The following MECOM variants were observed in gnomAD, a reference collection of about 807,000 sequenced individuals.
MECOM encodes MDS1 and EVI1 complex locus.
Under a neutral mutation model 116.3 loss-of-function variants are expected in MECOM, and 13 were observed. That is an observed-to-expected ratio of 0.11 (90% CI 0.07 to 0.18). The LOEUF (loss-of-function observed/expected upper bound fraction) is 0.18. Ranked by LOEUF, MECOM falls within the 10% of genes least tolerant of loss-of-function variation. The probability of loss-of-function intolerance (pLI) is 1.00; values close to 1 mark genes in which losing one functional copy is unlikely to be tolerated. For synonymous variants in MECOM, 528 were observed against 535.2 expected (o/e 0.99, Z 0.19); for missense variants, 1,299 against 1,509.0 (o/e 0.86, Z 2.31).
intron 1 of MECOM, among the ~76,000 whole-genome samples, chr3:169,395,981 G>A (rs1326779614): frequency 6.6e-6 from 1 of 152,118 alleles, no homozygotes; most frequent in East Asian, 1.9e-4. Flanking sequence ...ACAGAAATGA[G>A]CCTTAAGGAG....
At chr3:169,403,013 GAGAGAAAAAA>G (rs1456797405) in intron 1 of MECOM, among the ~76,000 whole-genome samples, 1 of 152,110 alleles carries the variant, frequency 6.6e-6, no homozygotes, top group East Asian at 1.9e-4. Context: ...TGAGAACTTT[GAGAGAAAAAA>G]AGTGGCTTAA....
intron 2 of MECOM, among the ~76,000 whole-genome samples, chr3:169,368,924 T>C (rs1449231468): frequency 6.6e-6 from 1 of 152,054 alleles, no homozygotes; most frequent in Non-Finnish European, 1.5e-5. Flanking sequence ...ACAATTTATA[T>C]GAGGTTTCCT....
intron 2 of MECOM, among the ~76,000 whole-genome samples, chr3:169,338,409 C>G (rs1243228078): frequency 2.6e-5 from 4 of 152,106 alleles, no homozygotes; most frequent in African/African-American, 9.7e-5. Flanking sequence ...CTCTGGAGAG[C>G]TGGGGCTGTG....
At chr3:169,361,177 G>A (rs1430780030) in intron 2 of MECOM, among the ~76,000 whole-genome samples, 2 of 151,888 alleles carry the variant, frequency 1.3e-5, no homozygotes, top group Admixed American at 6.6e-5. Flanking sequence ...CTGCTCCACC[G>A]CACTACAAGA....
intron 2 of MECOM, among the ~76,000 whole-genome samples, chr3:169,150,193 A>T (rs1263434568): frequency 1.3e-5 from 2 of 152,228 alleles, no homozygotes; most frequent in African/African-American, 4.8e-5. Flanking sequence ...CTATTTAAAT[A>T]AGAATTATTT....
chr3:169,148,539 C>T (rs1426033912), intron 2 of MECOM, among the ~76,000 whole-genome samples: 1 of 152,040 alleles, frequency 6.6e-6, no homozygotes, highest in African/African-American at 2.4e-5. Flanking sequence ...CACAAAACTC[C>T]ATTCATAAAA....
chr3:169,293,673 CATT>C (rs1341960888), intron 2 of MECOM, among the ~76,000 whole-genome samples: 1 of 152,174 alleles, frequency 6.6e-6, no homozygotes, highest in Non-Finnish European at 1.5e-5. Flanking sequence ...TATTACCAAA[CATT>C]ATATAGTTAT....
intron 1 of MECOM, chr3:169,484,021 A>C (rs1473699445): frequency 3.2e-6 from 5 of 1,546,340 alleles, no homozygotes; most frequent in African/African-American, 1.4e-5. Flanking sequence ...TTTTGCCCCC[A>C]AAACCATTGT....
intron 2 of MECOM, among the ~76,000 whole-genome samples, chr3:169,316,737 G>T (rs1719811334): frequency 6.6e-6 from 1 of 152,096 alleles, no homozygotes; most frequent in Non-Finnish European, 1.5e-5. Flanking sequence ...ATTTTTTGTG[G>T]AGACAGAGCT....
intron 1 of MECOM, among the ~76,000 whole-genome samples, chr3:169,523,005 C>T (rs900471203): frequency 2.0e-5 from 3 of 152,052 alleles, no homozygotes; most frequent in African/African-American, 4.8e-5. Flanking sequence ...TGTCAGGAGA[C>T]GAGTATGACA....
intron 2 of MECOM, among the ~76,000 whole-genome samples, chr3:169,271,096 T>C (rs556431200): frequency 6.6e-6 from 1 of 152,306 alleles, no homozygotes; most frequent in South Asian, 2.1e-4. Context: ...TCAATTCCCA[T>C]GGTATAACTA....
At chr3:169,225,465 A>G (rs1752618615) in intron 2 of MECOM, among the ~76,000 whole-genome samples, 1 of 152,198 alleles carries the variant, frequency 6.6e-6, no homozygotes, top group Admixed American at 6.5e-5. Flanking sequence ...CTGTCTTATC[A>G]AGGACTGGTG....
At chr3:169,594,154 C>CA (rs34331048) in intron 1 of MECOM, among the ~76,000 whole-genome samples, 5,105 of 45,632 alleles carry the variant, frequency 0.11, 232 homozygotes, top group African/African-American at 0.16. Flanking sequence ...ACCACCACCA[C>CA]AAAAAAAAAA....
intron 1 of MECOM, among the ~76,000 whole-genome samples, chr3:169,434,073 T>A (rs1742222611): frequency 6.6e-6 from 1 of 152,198 alleles, no homozygotes; most frequent in Non-Finnish European, 1.5e-5. Flanking sequence ...CCTTTAATAT[T>A]TTTCAAATTT....
intron 1 of MECOM, among the ~76,000 whole-genome samples, chr3:169,430,240 T>C (rs1465523629): frequency 6.6e-6 from 1 of 152,162 alleles, no homozygotes; most frequent in Non-Finnish European, 1.5e-5. Context: ...TTTTAAGACT[T>C]TTGCCTGTCC....
intron 2 of MECOM, among the ~76,000 whole-genome samples, chr3:169,151,007 T>G (rs903638304): frequency 6.6e-6 from 1 of 152,252 alleles, no homozygotes. Flanking sequence ...TGTAACTGTT[T>G]ATTTAAAATA....
chr3:169,376,216 A>C (rs1270741106), intron 2 of MECOM, among the ~76,000 whole-genome samples: 1 of 152,220 alleles, frequency 6.6e-6, no homozygotes, highest in African/African-American at 2.4e-5. Flanking sequence ...ACCCACAGCC[A>C]ATATCATACT....
intron 2 of MECOM, among the ~76,000 whole-genome samples, chr3:169,210,982 T>C (rs1750651864): frequency 6.6e-6 from 1 of 152,168 alleles, no homozygotes; most frequent in South Asian, 2.1e-4. Flanking sequence ...TTTATTCTAG[T>C]ACATGAAAAT....
At chr3:169,540,812 C>T (rs1759972450) in intron 1 of MECOM, among the ~76,000 whole-genome samples, 1 of 152,156 alleles carries the variant, frequency 6.6e-6, no homozygotes, top group African/African-American at 2.4e-5. Flanking sequence ...TCCTTCCTCT[C>T]AAACATATTT....
Sources: allele counts gnomAD v4.1 joint callset (sites outside exome capture counted in the v4.1 genomes callset), GRCh38; gene constraint gnomAD v4.1.1; transcripts MANE v1.5; gene names NCBI Gene and HGNC (gene_info 2026-07-23, HGNC 2026-07-21).